The following RAB37 variants were observed in gnomAD, a reference collection of about 807,000 sequenced individuals.
RAB37 encodes RAB37, member RAS oncogene family, also known as ras-related protein Rab-37.
In RAB37, 29 loss-of-function variants were observed where a neutral mutation model predicts 33.1. The ratio of observed to expected loss-of-function variants is 0.88; its 90% CI spans 0.65 to 1.20. The LOEUF is 1.20. Ranked by LOEUF, RAB37 falls within the 50% of genes most tolerant of loss-of-function variation. The pLI is 0.00. For synonymous variants in RAB37, 128 were observed against 119.5 expected, an observed-to-expected ratio of 1.07 and a Z score of -0.47; for missense variants, 299 against 301.1, an observed-to-expected ratio of 0.99 and a Z score of 0.05.
intron 1 of RAB37, among the ~76,000 whole-genome samples, chr17:74,723,351 C>T (rs1051293152): frequency 1.3e-5 from 2 of 150,906 alleles, no homozygotes; most frequent in African/African-American, 2.4e-5. Flanking sequence ...CCCCAGCCCA[C>T]CCCACCCCTA....
chr17:74,710,128 A>G (rs1033206941), intron 1 of RAB37, among the ~76,000 whole-genome samples: 16 of 152,060 alleles, frequency 1.1e-4, no homozygotes, highest in African/African-American at 3.6e-4. Flanking sequence ...ACAGGCGCCC[A>G]CCACCACGCC....
chr17:74,691,732 T>C (rs2032159887), intron 1 of RAB37, among the ~76,000 whole-genome samples: 1 of 152,222 alleles, frequency 6.6e-6, no homozygotes, highest in African/African-American at 2.4e-5. Context: ...AATCCGTTTC[T>C]ATCCAACATA....
intron 1 of RAB37, among the ~76,000 whole-genome samples, chr17:74,684,827 T>A (rs896351591): frequency 2.0e-5 from 3 of 150,722 alleles, no homozygotes; most frequent in Non-Finnish European, 4.4e-5. Context: ...TAAAAATACA[T>A]GCATGTGTTT....
intron 1 of RAB37, among the ~76,000 whole-genome samples, chr17:74,711,684 G>A (rs192633973): frequency 2.6e-5 from 4 of 152,122 alleles, no homozygotes; most frequent in African/African-American, 9.6e-5. Context: ...TGGAAAGCTG[G>A]TCCCGATCCT....
At chr17:74,679,634 A>G (rs1479738180) in intron 1 of RAB37, among the ~76,000 whole-genome samples, 1 of 152,192 alleles carries the variant, frequency 6.6e-6, no homozygotes, top group Non-Finnish European at 1.5e-5. Flanking sequence ...TGCTTTTTCC[A>G]GAAGATGTTA....
At position 74,743,084 on chromosome 17, in the gene RAB37, G is replaced by T. The variant is rs1161489912; in HGVS notation, c.247-45G>T. 9.6e-6 allele frequency: 15 copies of T among 1,570,402 alleles called. 1 individual carries two copies. In the Admixed American group the frequency reaches 2.2e-4, roughly 23 times the overall value. On this transcript the variant is annotated intron_variant, in intron 3 of 8. Coordinates refer to ENST00000392613, the MANE Select transcript of RAB37 (RefSeq NM_001006638.3). ...GCCTGCTCCACCCAGCACATTCCTT[G>T]CACCTGCCTCCTTCTGACCATTTCT...
chr17:74,704,154 G>A (rs2033309717), intron 1 of RAB37, among the ~76,000 whole-genome samples: 1 of 152,210 alleles, frequency 6.6e-6, no homozygotes, highest in Non-Finnish European at 1.5e-5. Flanking sequence ...GCAAGGACTG[G>A]GGTCTCTGGG....
chr17:74,734,873 G>A (rs575273900), upstream of RAB37, among the ~76,000 whole-genome samples: 23 of 146,460 alleles, frequency 1.6e-4, no homozygotes, highest in African/African-American at 4.3e-4. Flanking sequence ...GAAAGAAAGA[G>A]AGACAGAGAG....
intron 1 of RAB37, among the ~76,000 whole-genome samples, chr17:74,714,391 C>T (rs2143989098): frequency 7.4e-6 from 1 of 134,564 alleles, no homozygotes; most frequent in African/African-American, 3.2e-5. Flanking sequence ...GACGCTGTCT[C>T]TTTAAACACA....
At chr17:74,740,645 C>T (rs2034589316) in intron 1 of RAB37, 123 bp from the exon 2 acceptor site, 1 of 732,676 alleles carries the variant, frequency 1.4e-6, no homozygotes, top group East Asian at 2.5e-5. Flanking sequence ...AAGCAGGTGG[C>T]CTTTGGTGCG....
intron 1 of RAB37, among the ~76,000 whole-genome samples, chr17:74,685,190 T>C (rs1056127327): frequency 6.6e-6 from 1 of 151,994 alleles, no homozygotes; most frequent in Non-Finnish European, 1.5e-5. Context: ...TTGGGTTACT[T>C]TGTTTTTGTT....
intron 1 of RAB37, among the ~76,000 whole-genome samples, chr17:74,699,072 C>A (rs2084312): frequency 6.6e-6 from 1 of 151,954 alleles, no homozygotes; most frequent in African/African-American, 2.4e-5. Context: ...GCACCCACCA[C>A]CACACCTAGC....
intron 1 of RAB37, among the ~76,000 whole-genome samples, chr17:74,717,801 C>A (rs2034185273): frequency 7.3e-6 from 1 of 137,770 alleles, no homozygotes; most frequent in Non-Finnish European, 1.6e-5. Flanking sequence ...AAGAGCGAAA[C>A]TCCATCTAAA....
chr17:74,737,214 GC>G, upstream of RAB37: 1 of 1,245,314 alleles, frequency 8.0e-7, no homozygotes, highest in South Asian at 1.3e-5. Context: ...CGGGGGTGGG[GC>G]CGTTCCTGCG....
chr17:74,712,815 C>A, intron 1 of RAB37: 5 of 1,613,942 alleles, frequency 3.1e-6, no homozygotes, highest in Non-Finnish European at 4.2e-6. Context: ...CAGACCCAGG[C>A]CCGCTCACCT....
At chr17:74,690,425 G>A (rs796365695) in intron 1 of RAB37, among the ~76,000 whole-genome samples, 6 of 152,154 alleles carry the variant, frequency 3.9e-5, no homozygotes, top group African/African-American at 1.2e-4. Flanking sequence ...GATAGTAAAT[G>A]CTACCCTCAC....
In RAB37 at chr17:74,744,177, AG is replaced by A; in HGVS notation, c.367-129del. The A allele has an allele frequency of 1.2e-6, 1 of 855,414 alleles. No individual in the cohort carries two copies. Among genetic ancestry groups the A allele is most frequent in the Non-Finnish European group, 1.8e-6 (1 of 552,458 alleles). 53.0% of individuals were successfully genotyped at this position (855,414 alleles called of 1,614,324 possible). On this transcript the variant is annotated intron_variant, in intron 5 of 8. Transcript: ENST00000392613. The surrounding 1 kb of genome is among the most constrained non-coding windows in gnomAD (Gnocchi z 4.2). ...TCCAGGCCTGGATGGGCCAGAACAA[AG>A]GTACAGATGAGAGAACGCACAGGGT... is the stretch of plus-strand genomic sequence containing the variant.
At chr17:74,735,679 T>C (rs1354055054), upstream of RAB37, among the ~76,000 whole-genome samples, 7 of 152,196 alleles carry the variant, frequency 4.6e-5, no homozygotes, top group Admixed American at 4.6e-4. Flanking sequence ...AGTCCCGCCC[T>C]ATGCCCAGCT....
intron 1 of RAB37, among the ~76,000 whole-genome samples, chr17:74,740,236 A>C (rs1451348195): frequency 1.3e-5 from 2 of 152,004 alleles, no homozygotes; most frequent in African/African-American, 2.4e-5. Context: ...AACAATATTC[A>C]TTATAGAGTA....
Sources: allele counts gnomAD v4.1 joint callset (sites outside exome capture counted in the v4.1 genomes callset), GRCh38; gene constraint gnomAD v4.1.1; non-coding constraint Gnocchi (gnomAD v3.1); transcripts MANE v1.5; gene names NCBI Gene and HGNC (gene_info 2026-07-23, HGNC 2026-07-21).